ADAM32: variants seen among roughly 807,000 people sequenced by gnomAD.
The protein encoded by ADAM32 is ADAM metallopeptidase domain 32.
ADAM32 carries 89 observed loss-of-function variants against 114.9 expected under a neutral mutation model. That is an observed-to-expected ratio of 0.77 (90% CI 0.65 to 0.92). The LOEUF (loss-of-function observed/expected upper bound fraction) is 0.92. ADAM32 is among the 40% of genes least tolerant of loss of function. The pLI, the probability that ADAM32 is intolerant of heterozygous loss-of-function variation, is 0.00. For synonymous variants in ADAM32, 285 were observed against 307.5 expected (o/e 0.93, Z 0.77); for missense variants, 870 against 932.8 (o/e 0.93, Z 0.88).
chr8:39,132,751 GA>G (rs1347383249), intron 2 of ADAM32, among the ~76,000 whole-genome samples: 1 of 130,352 alleles, frequency 7.7e-6, no homozygotes, highest in Non-Finnish European at 1.8e-5. Flanking sequence ...TTAGTTGACA[GA>G]TTTTTTTTTT....
At chr8:39,131,038 G>A (rs1380456449) in intron 2 of ADAM32, among the ~76,000 whole-genome samples, 2 of 145,882 alleles carry the variant, frequency 1.4e-5, no homozygotes, top group African/African-American at 2.5e-5. Flanking sequence ...CTCACTGCAA[G>A]CTCCACCTCC....
chr8:39,220,293 A>C (rs1365524795), intron 12 of ADAM32, among the ~76,000 whole-genome samples: 3 of 152,144 alleles, frequency 2.0e-5, no homozygotes, highest in African/African-American at 7.2e-5. Flanking sequence ...TGCATGATAG[A>C]TCTTTCTGCA....
At chr8:39,210,193 G>GTA (rs1564607538) in intron 11 of ADAM32, among the ~76,000 whole-genome samples, 1 of 152,144 alleles carries the variant, frequency 6.6e-6, no homozygotes, top group African/African-American at 2.4e-5. Context: ...GTGTTTTACG[G>GTA]TAGTGGGGCT....
chr8:39,211,409 A>G, intron 12 of ADAM32, 85 bp downstream of exon 12: 1 of 1,260,182 alleles, frequency 7.9e-7, no homozygotes, highest in Non-Finnish European at 1.0e-6. Context: ...CTCAAATGTG[A>G]ATGAGTACCA....
At chr8:39,164,881 G>T (rs1195076827) in intron 8 of ADAM32, 46 bp downstream of exon 8, 7 of 1,558,668 alleles carry the variant, frequency 4.5e-6, no homozygotes, top group Non-Finnish European at 5.3e-6. Flanking sequence ...GTTTTGAAAT[G>T]ATAATTTGCC....
At chr8:39,126,748 G>C (rs1469329412) in intron 2 of ADAM32, among the ~76,000 whole-genome samples, 1 of 152,182 alleles carries the variant, frequency 6.6e-6, no homozygotes, top group African/African-American at 2.4e-5. Context: ...TCTTGTGTCA[G>C]TTTGCAAGGG....
At chr8:39,238,973 A>T (rs1018826329) in intron 16 of ADAM32, among the ~76,000 whole-genome samples, 2 of 152,132 alleles carry the variant, frequency 1.3e-5, no homozygotes, top group Non-Finnish European at 2.9e-5. Flanking sequence ...AAGAATAGAA[A>T]TCCTAAAGTT....
chr8:39,157,591 C>A, intron 6 of ADAM32: 1 of 544,826 alleles, frequency 1.8e-6, no homozygotes, highest in Admixed American at 2.2e-5. Flanking sequence ...CCCATGAATG[C>A]TTCTTCTCCA....
intron 22 of ADAM32, among the ~76,000 whole-genome samples, chr8:39,277,612 T>G (rs1372991150): frequency 1.3e-5 from 2 of 152,088 alleles, no homozygotes; most frequent in Admixed American, 6.6e-5. Flanking sequence ...GCTGCTAGAG[T>G]GCAGGAGCGC....
intron 16 of ADAM32, among the ~76,000 whole-genome samples, chr8:39,238,321 G>A (rs1200184583): frequency 6.6e-6 from 1 of 152,212 alleles, no homozygotes; most frequent in Non-Finnish European, 1.5e-5. Flanking sequence ...AGACCCAGAA[G>A]AGCAGTAATG....
chr8:39,252,965 A>G (rs1465434087), intron 17 of ADAM32, among the ~76,000 whole-genome samples: 1 of 151,692 alleles, frequency 6.6e-6, no homozygotes. Context: ...TCACAAATGA[A>G]TTCTGTTAAA....
intron 11 of ADAM32, among the ~76,000 whole-genome samples, chr8:39,203,499 TC>T (rs1305801355): frequency 2.0e-5 from 3 of 152,184 alleles, no homozygotes; most frequent in African/African-American, 7.2e-5. Context: ...TCGTCCTCCA[TC>T]CCTTTATTTT....
At chr8:39,195,328 T>TATTA (rs1387664406) in intron 11 of ADAM32, among the ~76,000 whole-genome samples, 3 of 152,238 alleles carry the variant, frequency 2.0e-5, no homozygotes, top group Non-Finnish European at 2.9e-5. Flanking sequence ...ATATTCTGGA[T>TATTA]ATTAACCACC....
intron 2 of ADAM32, among the ~76,000 whole-genome samples, chr8:39,125,198 GT>G (rs1209411669): frequency 1.3e-5 from 2 of 151,818 alleles, no homozygotes; most frequent in African/African-American, 4.8e-5. Context: ...GGAGTTTTTT[GT>G]TTTTTTCTTA....
In ADAM32 at chr8:39,136,729, A is replaced by T. The variant is rs780813574; in HGVS notation, c.200+11A>T. ...GCACCTTAAACAAAGGTAAATTTTT[A>T]TTCTTTAGTTTTGGATTTTATTTTA... is the stretch of plus-strand genomic sequence containing the variant. On this transcript the variant is annotated intron_variant, in intron 3 of 24. Transcript: ENST00000379907. 7.2e-5 allele frequency: 106 copies of T among 1,463,714 alleles called. No individual in the cohort carries two copies. Among genetic ancestry groups the T allele is most frequent in the Non-Finnish European group, 9.7e-5 (106 of 1,087,758 alleles). 90.7% of individuals were successfully genotyped at this position (1,463,714 alleles called of 1,614,324 possible). A position where few individuals can be genotyped will look rare whatever the true frequency, so the allele number is the denominator to read the frequency against.
intron 3 of ADAM32, among the ~76,000 whole-genome samples, 179 bp from the exon 4 acceptor site, chr8:39,146,951 C>T (rs1173503868): frequency 6.6e-6 from 1 of 152,170 alleles, no homozygotes; most frequent in East Asian, 1.9e-4. Context: ...AATCTCTCAT[C>T]TTACAGCATG....
At chr8:39,125,631 T>A (rs1012806248) in intron 2 of ADAM32, among the ~76,000 whole-genome samples, 3 of 152,218 alleles carry the variant, frequency 2.0e-5, no homozygotes, top group African/African-American at 7.2e-5. Context: ...GGTTGTCTGT[T>A]CACTCTGATC....
chr8:39,263,034 T>C (rs1023992978), intron 19 of ADAM32, among the ~76,000 whole-genome samples: 3 of 152,196 alleles, frequency 2.0e-5, no homozygotes, highest in African/African-American at 7.2e-5. Context: ...TCAGTCCTGA[T>C]ATGTTGTATC....
chr8:39,187,109 AT>A, intron 11 of ADAM32, 64 bp downstream of exon 11: 3 of 1,457,020 alleles, frequency 2.1e-6, no homozygotes, highest in Non-Finnish European at 1.8e-6. Context: ...GAGTGTGAAA[AT>A]TTAGTATTTA....
Sources: allele counts gnomAD v4.1 joint callset (sites outside exome capture counted in the v4.1 genomes callset), GRCh38; gene constraint gnomAD v4.1.1; transcripts MANE v1.5; gene names NCBI Gene and HGNC (gene_info 2026-07-23, HGNC 2026-07-21).